TRARG1: variants seen among roughly 807,000 people sequenced by gnomAD.
TRARG1 encodes the protein trafficking regulator of GLUT4 (SLC2A4) 1 (gene/pseudogene).
TRARG1 carries 16 observed loss-of-function variants against 13.3 expected under a neutral mutation model. The observed-to-expected ratio is 1.20, with a 90% CI of 0.81 to 1.83. TRARG1 has a LOEUF of 1.83. TRARG1 is among the 40% of genes most tolerant of loss of function. The probability of loss-of-function intolerance (pLI) is 0.00; values close to 1 mark genes in which losing one functional copy is unlikely to be tolerated. For missense variants in TRARG1, 250 were observed against 237.4 expected, an observed-to-expected ratio of 1.05 and a Z score of -0.35; for synonymous variants, 113 against 106.2, an observed-to-expected ratio of 1.06 and a Z score of -0.39.
At chr17:1,284,071 T>C (rs4790858) in intron 1 of TRARG1, among the ~76,000 whole-genome samples, 97,171 of 150,972 alleles carry the variant, frequency 0.64, 31,536 homozygotes, top group Admixed American at 0.73. Context: ...GCTGAGATGG[T>C]GCCACTGCAC....
intron 1 of TRARG1, among the ~76,000 whole-genome samples, chr17:1,285,672 G>C (rs1256380478): frequency 6.6e-6 from 1 of 152,020 alleles, no homozygotes; most frequent in East Asian, 1.9e-4. Context: ...AGCTGAGATT[G>C]TGCTACTGCA....
intron 1 of TRARG1, among the ~76,000 whole-genome samples, chr17:1,287,338 G>A (rs967944553): frequency 6.6e-6 from 1 of 151,816 alleles, no homozygotes; most frequent in African/African-American, 2.4e-5. Context: ...AATTCTTTTT[G>A]TTGTTATTGT....
chr17:1,280,116 A>G lies in TRARG1; in HGVS notation c.115A>G (p.Lys39Glu), dbSNP rs757679975. 7.3e-5 allele frequency: 118 copies of G among 1,613,726 alleles called. No individual in the cohort carries two copies. In the South Asian group the frequency reaches 9.6e-4, roughly 13 times the overall value. ...LLTKAENKDD[K>E]TLNLSKTLSG... is the part of the protein sequence containing the mutation. Reference sequence around the variant, plus strand: ...CACCAAGGCAGAGAACAAGGATGACAAGACCCTGAATCTGTCCAAGACCCT... The same window carrying G: ...CACCAAGGCAGAGAACAAGGATGACGAGACCCTGAATCTGTCCAAGACCCT... The change falls in exon 1 of 3, where the codon AAG becomes GAG. Residue 39 changes from lysine to glutamate, a missense_variant. Lys to Glu is a moderately conservative substitution (Grantham distance 56). Coordinates refer to ENST00000333813, the MANE Select transcript of TRARG1 (RefSeq NM_172367.3).
chr17:1,285,126 G>A (rs1002682529), intron 1 of TRARG1, among the ~76,000 whole-genome samples: 2 of 151,980 alleles, frequency 1.3e-5, no homozygotes, highest in African/African-American at 2.4e-5. Flanking sequence ...AGGAATTTAA[G>A]TTCTGGCTGG....
At position 1,299,485 on chromosome 17, in the gene TRARG1, G is replaced by A. The variant is rs2072139064; in HGVS notation, c.*1221G>A. 1 of 152,184 alleles carries A rather than the reference G, an allele frequency of 6.6e-6. No homozygotes were observed. The highest frequency in any genetic ancestry group is 2.1e-4 in the South Asian group (1 of 4,822). 9.4% of individuals were successfully genotyped at this position (152,184 alleles called of 1,614,324 possible). ...TTGGGAATACACTTGCATGTACAGA[G>A]CCTGGGGCCTGGACGCCACGGCCTC... On this transcript the variant is annotated 3_prime_UTR_variant, in exon 3 of 3. Coordinates refer to ENST00000333813, the MANE Select transcript of TRARG1 (RefSeq NM_172367.3).
intron 1 of TRARG1, among the ~76,000 whole-genome samples, chr17:1,282,253 T>TACATATATGC (rs1416702129): frequency 0.049 from 4,847 of 99,674 alleles, 299 homozygotes; most frequent in East Asian, 0.073. Flanking sequence ...CACGTATATG[T>TACATATATGC]ACGTATATGT....
chr17:1,280,507 GC>G (rs1296221657), intron 1 of TRARG1, 119 bp downstream of exon 1: 7 of 1,168,660 alleles, frequency 6.0e-6, no homozygotes, highest in African/African-American at 4.6e-5. Context: ...GGAGTGGGGG[GC>G]TTGGGGAAGA....
intron 1 of TRARG1, among the ~76,000 whole-genome samples, chr17:1,287,026 C>G (rs1005555959): frequency 6.6e-6 from 1 of 151,754 alleles, no homozygotes; most frequent in Non-Finnish European, 1.5e-5. Context: ...GATGACACAT[C>G]GAAGGGTTGG....
At chr17:1,295,447 A>C (rs1348616196) in intron 1 of TRARG1, 44 bp from the exon 2 acceptor site, 1 of 1,550,612 alleles carries the variant, frequency 6.4e-7, no homozygotes, top group Admixed American at 1.9e-5. Context: ...AAGCTGACCC[A>C]CAGCCTTCCC....
At chr17:1,282,005 CACATATGT>C (rs1358473261) in intron 1 of TRARG1, among the ~76,000 whole-genome samples, 1 of 149,734 alleles carries the variant, frequency 6.7e-6, no homozygotes, top group African/African-American at 2.5e-5. Context: ...TACAGATATA[CACATATGT>C]ACATATACAT....
At chr17:1,286,198 A>C (rs1782622765) in intron 1 of TRARG1, among the ~76,000 whole-genome samples, 1 of 152,216 alleles carries the variant, frequency 6.6e-6, no homozygotes, top group African/African-American at 2.4e-5. Context: ...CTGCACGGCC[A>C]CCAGGCCTCC....
At position 1,282,032 on chromosome 17, in the gene TRARG1, A is replaced by G. The variant is rs187849623; in HGVS notation, c.387+1644A>G. Among the ~76,000 whole-genome samples, 735 of 134,872 alleles carry G rather than the reference A, an allele frequency of 5.4e-3. 11 individuals are homozygous for G. Among genetic ancestry groups the G allele is most frequent in the African/African-American group, 0.018 (690 of 38,442 alleles). 88.5% of individuals were successfully genotyped at this position (134,872 alleles called of 152,430 possible). On this transcript the variant is annotated intron_variant, in intron 1 of 2. Coordinates refer to ENST00000333813, the MANE Select transcript of TRARG1 (RefSeq NM_172367.3). ...CATATGTACATATACATATGTACAT[A>G]TATACACACATATGTACACATATGT...
rs576671858 is a variant in TRARG1 at position 1,299,713 on chromosome 17, C to T, written c.*1449C>T. On this transcript the variant is annotated 3_prime_UTR_variant, in exon 3 of 3. Transcript: ENST00000333813. Reference sequence around the variant, plus strand: ...GGCTTTCCTGCCCTGGGCAGCCCCACCTCACAGCCAGAGTCAATGCCTTCA... The same window carrying T: ...GGCTTTCCTGCCCTGGGCAGCCCCATCTCACAGCCAGAGTCAATGCCTTCA... The T allele has an allele frequency of 7.6e-3, 1,158 of 152,556 alleles. 5 individuals carry two copies. Among genetic ancestry groups the T allele is most frequent in the Middle Eastern group, 0.013 (4 of 298 alleles). The allele number at this position is 152,556 out of a possible 1,614,324, so 9.5% of individuals were successfully genotyped here. A position where few individuals can be genotyped will look rare whatever the true frequency, so the allele number is the denominator to read the frequency against.
intron 1 of TRARG1, among the ~76,000 whole-genome samples, chr17:1,289,503 G>T (rs373678706): frequency 6.9e-6 from 1 of 145,380 alleles, no homozygotes; most frequent in Non-Finnish European, 1.5e-5. Flanking sequence ...CAGCATTGCC[G>T]ATAGTTCCAT....
chr17:1,281,956 ATGTACATATATGCACACG>A (rs1567927765), intron 1 of TRARG1, among the ~76,000 whole-genome samples: 2 of 151,468 alleles, frequency 1.3e-5, no homozygotes, highest in African/African-American at 4.9e-5. Flanking sequence ...ATGCACATAC[ATGTACATATATGCACACG>A]TGTACATATA....
Position 1,300,473 on chromosome 17 carries a change from C to CAT in TRARG1, c.*2209_*2210insAT, listed in dbSNP as rs57412628. ...CTACACACACACACACACACACACACGCTTGTTCACACTCAGAACCCAGGA... is the reference window on the plus strand; with the variant it reads ...CTACACACACACACACACACACACACATGCTTGTTCACACTCAGAACCCAGGA... On this transcript the variant is annotated 3_prime_UTR_variant, in exon 3 of 3. Transcript: ENST00000333813. 1 of 152,784 alleles carries CAT rather than the reference C, an allele frequency of 6.5e-6. No homozygotes were observed. Among genetic ancestry groups the CAT allele is most frequent in the Admixed American group, 6.6e-5 (1 of 15,260 alleles). 9.5% of individuals were successfully genotyped at this position (152,784 alleles called of 1,614,324 possible).
intron 1 of TRARG1, among the ~76,000 whole-genome samples, chr17:1,292,286 A>G (rs1337494749): frequency 6.6e-6 from 1 of 152,236 alleles, no homozygotes; most frequent in African/African-American, 2.4e-5. Flanking sequence ...CTCAGCCACC[A>G]TCATCTCACT....
In TRARG1 at chr17:1,280,214, G is replaced by C; in HGVS notation, c.213G>C (p.Glu71Asp). ...AGGCCATCTCCGAGGGGCACCTGGA[G>C]GCCCCACTGCCTCGGTCCCCCTCCC... ...PFKAISEGHLEAPLPRSPSRA... is the reference protein window; with the variant it reads ...PFKAISEGHLDAPLPRSPSRA... Residue 71 changes from glutamate (E) to aspartate (D), a missense_variant, in exon 1 of 3, where the codon GAG becomes GAC. Coordinates refer to ENST00000333813, the MANE Select transcript of TRARG1 (RefSeq NM_172367.3). 6.2e-7 allele frequency: 1 copy of C among 1,614,074 alleles called. No individual in the cohort carries two copies. The highest frequency in any genetic ancestry group is 8.5e-7 in the Non-Finnish European group (1 of 1,180,002).
chr17:1,289,335 T>C (rs145374074), intron 1 of TRARG1, among the ~76,000 whole-genome samples: 84 of 1,322 alleles, frequency 0.064, 5 homozygotes, highest in Middle Eastern at 0.33. Context: ...CATGGGTTCC[T>C]CATCCCCCAC....
Sources: gnomAD v4.1 joint callset for allele counts (sites outside exome capture counted in the v4.1 genomes callset) on GRCh38, gnomAD v4.1.1 for gene constraint, MANE v1.5 for transcripts, NCBI Gene and HGNC (gene_info 2026-07-23, HGNC 2026-07-21) for gene names.